The following SGPL1 variants were observed in gnomAD, a reference collection of about 807,000 sequenced individuals.
SGPL1 encodes SP-lyase 1.
A neutral mutation model predicts 68.9 loss-of-function variants in SGPL1; 37 were observed. That is an observed-to-expected ratio of 0.54 (90% CI 0.41 to 0.71). SGPL1 has a LOEUF of 0.71. SGPL1 is among the 30% of genes least tolerant of loss of function. The pLI, the probability that SGPL1 is intolerant of heterozygous loss-of-function variation, is 0.00. For missense variants in SGPL1, 551 were observed against 704.6 expected, an observed-to-expected ratio of 0.78 and a Z score of 2.47; for synonymous variants, 236 against 248.5, an observed-to-expected ratio of 0.95 and a Z score of 0.47.
chr10:70,831,806 A>G (rs1845540646), intron 2 of SGPL1, among the ~76,000 whole-genome samples: 1 of 152,120 alleles, frequency 6.6e-6, no homozygotes, highest in African/African-American at 2.4e-5. Flanking sequence ...CTGACCGGAA[A>G]CCCAGCAAGG....
Position 70,844,460 on chromosome 10 carries a change from C to T in SGPL1, c.28-13C>T. The stretch of plus-strand genomic sequence containing the variant: ...CTAAATGTAATGTTTTTATTTTTCA[C>T]TTGTATTTCTAGAAGGCCTTTGAGC... On this transcript the variant is annotated splice_polypyrimidine_tract_variant and intron_variant, in intron 2 of 14. Transcript: ENST00000373202. The T allele has an allele frequency of 6.2e-7, 1 of 1,608,418 alleles. No homozygotes were observed. Among genetic ancestry groups the T allele is most frequent in the Non-Finnish European group, 8.5e-7 (1 of 1,176,406 alleles).
chr10:70,843,378 G>A (rs989002034), intron 2 of SGPL1, among the ~76,000 whole-genome samples: 5 of 152,168 alleles, frequency 3.3e-5, no homozygotes, highest in African/African-American at 7.2e-5. Flanking sequence ...CTTCAACCCT[G>A]GAGATGCTTA....
intron 5 of SGPL1, chr10:70,857,296 G>C: frequency 3.0e-6 from 1 of 331,672 alleles, no homozygotes; most frequent in South Asian, 2.4e-5. Flanking sequence ...CAAAAAATAA[G>C]TATAGACAAA....
At chr10:70,853,060 C>T (rs919555544) in intron 4 of SGPL1, among the ~76,000 whole-genome samples, 1 of 152,180 alleles carries the variant, frequency 6.6e-6, no homozygotes, top group African/African-American at 2.4e-5. Context: ...ATGGCAATAG[C>T]ATACTCTATG....
intron 12 of SGPL1, among the ~76,000 whole-genome samples, chr10:70,875,055 CT>C (rs1337146895): frequency 6.6e-6 from 1 of 152,198 alleles, no homozygotes; most frequent in Non-Finnish European, 1.5e-5. Flanking sequence ...GGGCAGATTA[CT>C]TTTCCAGAAA....
At chr10:70,852,400 A>G (rs961651528) in intron 4 of SGPL1, among the ~76,000 whole-genome samples, 2 of 152,142 alleles carry the variant, frequency 1.3e-5, no homozygotes, top group Non-Finnish European at 2.9e-5. Flanking sequence ...TCTCCAAATT[A>G]TATTAATCCC....
At chr10:70,852,751 C>A (rs68040755) in intron 4 of SGPL1, among the ~76,000 whole-genome samples, 8,985 of 151,950 alleles carry the variant, frequency 0.059, 385 homozygotes, top group African/African-American at 0.12. Flanking sequence ...TGTGTGTATA[C>A]CTCTGTCATT....
chr10:70,824,605 AAAAAC>A (rs1189534101), intron 2 of SGPL1, among the ~76,000 whole-genome samples: 5 of 152,210 alleles, frequency 3.3e-5, no homozygotes, highest in African/African-American at 7.2e-5. Flanking sequence ...AAAAAAAAGT[AAAAAC>A]AAAACAAAAA....
At chr10:70,843,245 A>G (rs1016307329) in intron 2 of SGPL1, among the ~76,000 whole-genome samples, 1 of 150,510 alleles carries the variant, frequency 6.6e-6, no homozygotes, top group Non-Finnish European at 1.5e-5. Context: ...ATTTGTTTGT[A>G]TATGTATGTG....
chr10:70,881,162 C>CTAT lies in SGPL1; in HGVS notation c.*3829_*3831dup, dbSNP rs1254648715. The CTAT allele has an allele frequency of 6.6e-6, 1 of 151,528 alleles. No individual in the cohort carries two copies. The highest frequency in any genetic ancestry group is 1.5e-5 in the Non-Finnish European group (1 of 67,912). The allele number at this position is 151,528 out of a possible 1,614,324, so 9.4% of individuals were successfully genotyped here. ...TATTTGGATTAATTTTAGAATAAAC[C>CTAT]TATTTATTTCTAAAAAAAAAAAGAA... On this transcript the variant is annotated 3_prime_UTR_variant, in exon 15 of 15. Transcript: ENST00000373202.
rs748682850 is a variant in SGPL1 at position 70,816,858 on chromosome 10, C to G, written c.5C>G (p.Pro2Arg). M[P>R]STDLLMLKAF... is the part of the protein sequence containing the mutation. ...AGAGGAGGCTGGAAGAGGAAGATGCCTAGCACAGACCTTCTGATGTTGGTG... is the reference window on the plus strand; with the variant it reads ...AGAGGAGGCTGGAAGAGGAAGATGCGTAGCACAGACCTTCTGATGTTGGTG... Residue 2 changes from proline (P) to arginine (R), a missense_variant, in exon 2 of 15, where the codon CCT becomes CGT. Coordinates refer to ENST00000373202, the MANE Select transcript of SGPL1 (RefSeq NM_003901.4). The G allele has an allele frequency of 6.2e-7, 1 of 1,614,112 alleles. No individual in the cohort carries two copies. Among genetic ancestry groups the G allele is most frequent in the Non-Finnish European group, 8.5e-7 (1 of 1,179,972 alleles).
At chr10:70,861,258 A>G (rs747576287) in intron 7 of SGPL1, among the ~76,000 whole-genome samples, 2 of 152,056 alleles carry the variant, frequency 1.3e-5, no homozygotes, top group African/African-American at 4.8e-5. Flanking sequence ...GGTATGAAAG[A>G]GAGGCTAAGA....
intron 9 of SGPL1, among the ~76,000 whole-genome samples, chr10:70,870,476 C>G (rs777653134): frequency 2.3e-4 from 35 of 149,880 alleles, no homozygotes; most frequent in Non-Finnish European, 5.9e-5. Flanking sequence ...CCACTGTACT[C>G]CAGCTTGGGT....
At chr10:70,859,523 A>G in intron 7 of SGPL1, 24 bp downstream of exon 7, 1 of 1,356,766 alleles carries the variant, frequency 7.4e-7, no homozygotes, top group Non-Finnish European at 9.6e-7. Flanking sequence ...AGGGGCATCC[A>G]ATAGCCTTAT....
intron 7 of SGPL1, among the ~76,000 whole-genome samples, chr10:70,867,802 T>G (rs1846222210): frequency 6.6e-6 from 1 of 152,204 alleles, no homozygotes; most frequent in Non-Finnish European, 1.5e-5. Flanking sequence ...AAAATTAGGA[T>G]TTTTGTTTTA....
intron 12 of SGPL1, 78 bp from the exon 13 acceptor site, chr10:70,875,324 G>T (rs1846366673): frequency 2.2e-6 from 2 of 926,388 alleles, no homozygotes; most frequent in Non-Finnish European, 3.4e-6. Context: ...GACTTTGAAT[G>T]ATTAAAGAGA....
intron 4 of SGPL1, among the ~76,000 whole-genome samples, chr10:70,851,883 C>G (rs112326407): frequency 1.3e-5 from 2 of 152,288 alleles, no homozygotes; most frequent in African/African-American, 4.8e-5. Flanking sequence ...TGGTTCCTGG[C>G]TGTAGTTTGC....
At chr10:70,868,892 T>A (rs547275992) in intron 8 of SGPL1, among the ~76,000 whole-genome samples, 13 of 152,326 alleles carry the variant, frequency 8.5e-5, no homozygotes, top group Non-Finnish European at 1.3e-4. Context: ...GGAGGAAGAA[T>A]AAAAATATCT....
chr10:70,856,735 A>T (rs1845970009), intron 5 of SGPL1, among the ~76,000 whole-genome samples: 1 of 152,208 alleles, frequency 6.6e-6, no homozygotes, highest in African/African-American at 2.4e-5. Flanking sequence ...TGCTTTGGAG[A>T]GCCCTTGGCT....
Sources: allele counts gnomAD v4.1 joint callset (sites outside exome capture counted in the v4.1 genomes callset), GRCh38; gene constraint gnomAD v4.1.1; transcripts MANE v1.5; gene names NCBI Gene and HGNC (gene_info 2026-07-23, HGNC 2026-07-21).